P3H4: variants seen among roughly 807,000 people sequenced by gnomAD.
The protein encoded by P3H4 is endoplasmic reticulum protein SC65.
A neutral mutation model predicts 52.9 loss-of-function variants in P3H4; 47 were observed. That is an observed-to-expected ratio of 0.89 (90% confidence interval 0.70 to 1.13). The LOEUF (loss-of-function observed/expected upper bound fraction) is 1.13, where lower values mean the gene tolerates loss of function less well. Ranked by LOEUF, P3H4 falls within the 50% of genes most tolerant of loss-of-function variation. P3H4 has a pLI of 0.00. For missense variants in P3H4, 585 were observed against 611.0 expected (o/e 0.96, Z 0.45); for synonymous variants, 256 against 267.9 (o/e 0.96, Z 0.44).
intron 5 of P3H4, 34 bp downstream of exon 5, chr17:41,807,825 A>G (rs782461829): frequency 3.2e-5 from 52 of 1,601,808 alleles, no homozygotes; most frequent in Non-Finnish European, 4.3e-5. Flanking sequence ...TACAAAGTGC[A>G]TATCCAGCAA....
chr17:41,803,016 C>T, intron 7 of P3H4, 37 bp from the exon 8 acceptor site: 1 of 1,605,028 alleles, frequency 6.2e-7, no homozygotes, highest in Non-Finnish European at 8.5e-7. Context: ...GGTTGCTCCC[C>T]CACCCACTCC....
At chr17:41,803,224 G>A (rs1367642334) in intron 7 of P3H4, 63 bp downstream of exon 7, 3 of 1,562,394 alleles carry the variant, frequency 1.9e-6, no homozygotes, top group Non-Finnish European at 2.6e-6. Flanking sequence ...GCGGGTGAAT[G>A]CATCTGTCCC....
intron 6 of P3H4, 114 bp downstream of exon 6, chr17:41,806,682 T>C: frequency 1.2e-6 from 1 of 822,660 alleles, no homozygotes; most frequent in Non-Finnish European, 2.0e-6. Flanking sequence ...CCTCTCTTCT[T>C]CACGACAGCT....
Position 41,811,631 on chromosome 17 carries a change from G to T in P3H4, c.285C>A (p.Arg95=), listed in dbSNP as rs782780294. 59 of 1,466,324 alleles carry T rather than the reference G, an allele frequency of 4.0e-5. No individual in the cohort carries two copies. The African/African-American group carries it at 8.0e-4, about 20-fold the overall frequency. The allele number at this position is 1,466,324 out of a possible 1,614,324, so 90.8% of individuals were successfully genotyped here. The part of the protein sequence containing the change: ...PAAKPDPDGG[R]ADEWACELRL... ...GCAGCTCGCAGGCCCACTCGTCTGC[G>T]CGGCCGCCGTCGGGATCGGGCTTGG... Residue 95 remains arginine (R), a synonymous_variant, in exon 1 of 8, where the codon CGC becomes CGA. Transcript: ENST00000393928. The surrounding 1 kb of genome is among the most constrained non-coding windows in gnomAD (Gnocchi z 4.8).
chr17:41,803,128 C>A, intron 7 of P3H4, 149 bp from the exon 8 acceptor site: 2 of 1,421,386 alleles, frequency 1.4e-6, no homozygotes, highest in Non-Finnish European at 1.9e-6. Flanking sequence ...ACCACCACCC[C>A]CAAGCGGGAC....
Position 41,802,159 on chromosome 17 carries a change from A to C in P3H4, c.*798T>G, listed in dbSNP as rs2047624171. ...GGCGGACCCCATCAGCCCACTTGCC[A>C]ACCTGCAATGCCACCACCATCCTGT... On this transcript the variant is annotated 3_prime_UTR_variant, in exon 8 of 8. Coordinates refer to ENST00000393928, the MANE Select transcript of P3H4 (RefSeq NM_006455.3). The C allele has an allele frequency of 6.6e-6, 1 of 152,410 alleles. No individual in the cohort carries two copies. Among genetic ancestry groups the C allele is most frequent in the African/African-American group, 2.4e-5 (1 of 41,454 alleles). 9.4% of individuals were successfully genotyped at this position (152,410 alleles called of 1,614,324 possible).
Position 41,807,980 on chromosome 17 carries a change from C to A in P3H4, c.941G>T (p.Arg314Leu). ...GAAGAGCATGTAGCTGGCGGCGCTG[C>A]GGGCAGCCTGGCGCACATCATTCAC... ...YKLNDVRQAA[R>L]SAASYMLFDP... The change falls in exon 5 of 8, where the codon CGC (arginine) becomes CTC (leucine). Residue 314 changes from arginine to leucine, a missense_variant. Transcript: ENST00000393928. 6.2e-7 allele frequency: 1 copy of A among 1,613,936 alleles called. No individual in the cohort carries two copies. The highest frequency in any genetic ancestry group is 8.5e-7 in the Non-Finnish European group (1 of 1,179,898).
In P3H4 at chr17:41,811,649, G is replaced by A; in HGVS notation, c.267C>T (p.Pro89=). The change falls in exon 1 of 8, where the codon CCC becomes CCT. Residue 89 remains proline, a synonymous_variant. Transcript: ENST00000393928. The surrounding 1 kb of genome is among the most constrained non-coding windows in gnomAD (Gnocchi z 4.8). ...NCSGPAPAAK[P]DPDGGRADEW... ...CGTCTGCGCGGCCGCCGTCGGGATC[G>A]GGCTTGGCCGCGGGCGCGGGGCCGC... is the stretch of plus-strand genomic sequence containing the variant. The A allele has an allele frequency of 7.0e-7, 1 of 1,426,700 alleles. No individual in the cohort carries two copies. The highest frequency in any genetic ancestry group is 9.1e-7 in the Non-Finnish European group (1 of 1,101,646). 88.4% of individuals were successfully genotyped at this position (1,426,700 alleles called of 1,614,324 possible). A position where few individuals can be genotyped will look rare whatever the true frequency, so the allele number is the denominator to read the frequency against.
intron 3 of P3H4, chr17:41,810,635 C>G: frequency 1.9e-6 from 1 of 536,086 alleles, no homozygotes; most frequent in Non-Finnish European, 3.3e-6. Context: ...GGCCTATGAA[C>G]CCAAGCTTCC....
At chr17:41,810,437 G>A (rs1284531416) in intron 3 of P3H4, among the ~76,000 whole-genome samples, 1 of 152,098 alleles carries the variant, frequency 6.6e-6, no homozygotes, top group Non-Finnish European at 1.5e-5. Flanking sequence ...CTCCCAGAGT[G>A]CTGAGATTAC....
chr17:41,807,447 A>G (rs1597896150), intron 5 of P3H4: 1 of 155,148 alleles, frequency 6.4e-6, no homozygotes, highest in Non-Finnish European at 1.4e-5. Context: ...CTTTCTTTCC[A>G]TTTCCCATCC....
intron 4 of P3H4, 102 bp downstream of exon 4, chr17:41,809,604 C>T (rs1035750603): frequency 7.2e-7 from 1 of 1,391,944 alleles, no homozygotes; most frequent in Non-Finnish European, 9.8e-7. Flanking sequence ...CCAGGGTCCT[C>T]AATACTGAAG....
Position 41,803,384 on chromosome 17 carries a change from T to C in P3H4, c.1194A>G (p.Leu398=). Residue 398 remains leucine (L), a synonymous_variant, in exon 7 of 8, where the codon CTA becomes CTG. Transcript: ENST00000393928. The part of the protein sequence containing the change: ...TEPPLEPEDA[L]SDAEFEGEGD... ...CCTCCCCCTCAAACTCGGCGTCAGATAGGGCATCCTCAGGCTCCAGGGGCG... is the reference window on the plus strand; with the variant it reads ...CCTCCCCCTCAAACTCGGCGTCAGACAGGGCATCCTCAGGCTCCAGGGGCG... 3 of 1,613,912 alleles carry C rather than the reference T, an allele frequency of 1.9e-6. No individual in the cohort carries two copies. The highest frequency in any genetic ancestry group is 1.7e-6 in the Non-Finnish European group (2 of 1,179,922).
intron 7 of P3H4, 77 bp downstream of exon 7, chr17:41,803,210 C>T (rs2047636482): frequency 1.9e-6 from 3 of 1,545,836 alleles, no homozygotes; most frequent in South Asian, 1.2e-5. Context: ...GGCTCCGGAG[C>T]CCAGCGGGTG....
In P3H4 at chr17:41,803,366, C is replaced by A. The variant is rs782087488; in HGVS notation, c.1212G>T (p.Glu404Asp). Residue 404 changes from glutamate to aspartate, a missense_variant, in exon 7 of 8, where the codon GAG becomes GAT. Physicochemically the swap from Glu to Asp is conservative, Grantham distance 45 (BLOSUM62 2). Coordinates refer to ENST00000393928, the MANE Select transcript of P3H4 (RefSeq NM_006455.3). Reference sequence around the variant, plus strand: ...TGCCCTCCTCGTAGTCACCCTCCCCCTCAAACTCGGCGTCAGATAGGGCAT... The same window carrying A: ...TGCCCTCCTCGTAGTCACCCTCCCCATCAAACTCGGCGTCAGATAGGGCAT... ...PEDALSDAEF[E>D]GEGDYEEGMY... The A allele has an allele frequency of 3.7e-5, 60 of 1,614,020 alleles. No homozygotes were observed. Among genetic ancestry groups the A allele is most frequent in the Middle Eastern group, 1.6e-4 (1 of 6,084 alleles).
chr17:41,803,341 T>A lies in P3H4; in HGVS notation c.1237A>T (p.Met413Leu). ...FEGEGDYEEG[M>L]YADWWQEPDA... ...GGCTCCTGCCACCAGTCAGCATACATGCCCTCCTCGTAGTCACCCTCCCCC... is the reference window on the plus strand; with the variant it reads ...GGCTCCTGCCACCAGTCAGCATACAAGCCCTCCTCGTAGTCACCCTCCCCC... The change falls in exon 7 of 8, where the codon ATG becomes TTG. Residue 413 changes from methionine to leucine, a missense_variant. Physicochemically the swap from Met to Leu is conservative, Grantham distance 15. Coordinates refer to ENST00000393928, the MANE Select transcript of P3H4 (RefSeq NM_006455.3). 1 of 1,614,104 alleles carries A rather than the reference T, an allele frequency of 6.2e-7. No homozygotes were observed. Among genetic ancestry groups the A allele is most frequent in the Non-Finnish European group, 8.5e-7 (1 of 1,179,986 alleles).
At chr17:41,809,371 G>A (rs188298197) in intron 4 of P3H4, among the ~76,000 whole-genome samples, 3 of 152,262 alleles carry the variant, frequency 2.0e-5, no homozygotes, top group Admixed American at 6.5e-5. Context: ...AGCCGAGATC[G>A]TGCCCCTGCA....
In P3H4 at chr17:41,811,805, G is replaced by A; in HGVS notation, c.111C>T (p.Ala37=). Residue 37 remains alanine, a synonymous_variant, in exon 1 of 8, where the codon GCC becomes GCT. Coordinates refer to ENST00000393928, the MANE Select transcript of P3H4 (RefSeq NM_006455.3). This position sits in a 1 kb window ranked among gnomAD's most constrained non-coding sequence, Gnocchi z 4.8. ...GCTCCAGAGCGTGCCCGTACGCCGCGGCCAGCGGCATCAGGTCCTCGGGCG... is the reference window on the plus strand; with the variant it reads ...GCTCCAGAGCGTGCCCGTACGCCGCAGCCAGCGGCATCAGGTCCTCGGGCG... ...GFPPEDLMPL[A]AAYGHALEQY... 1 of 1,536,240 alleles carries A rather than the reference G, an allele frequency of 6.5e-7. No homozygotes were observed. The highest frequency in any genetic ancestry group is 8.7e-7 in the Non-Finnish European group (1 of 1,153,028).
At chr17:41,810,657 G>T in intron 3 of P3H4, 1 of 591,290 alleles carries the variant, frequency 1.7e-6, no homozygotes, top group South Asian at 2.3e-5. Context: ...AAACCCTTTA[G>T]GGATGTCACT....
Sources: gnomAD v4.1 joint callset for allele counts (sites outside exome capture counted in the v4.1 genomes callset) on GRCh38, gnomAD v4.1.1 for gene constraint, Gnocchi (gnomAD v3.1) non-coding constraint, MANE v1.5 for transcripts, NCBI Gene and HGNC (gene_info 2026-07-23, HGNC 2026-07-21) for gene names.